The following NCAM2 variants were observed in gnomAD, a reference collection of about 807,000 sequenced individuals.
NCAM2 encodes the protein N-CAM-2.
Under a neutral mutation model 98.1 loss-of-function variants are expected in NCAM2, and 30 were observed. The observed-to-expected ratio is 0.31, with a 90% CI of 0.23 to 0.41. NCAM2 has a LOEUF of 0.41. Ranked by LOEUF, NCAM2 falls within the 10% of genes least tolerant of loss-of-function variation. The pLI, the probability that NCAM2 is intolerant of heterozygous loss-of-function variation, is 1.00. For synonymous variants in NCAM2, 368 were observed against 342.4 expected (o/e 1.07, Z -0.83); for missense variants, 867 against 1,005.8 (o/e 0.86, Z 1.87).
intron 1 of NCAM2, among the ~76,000 whole-genome samples, chr21:21,122,312 A>G (rs1601425539): frequency 1.3e-5 from 2 of 152,266 alleles, no homozygotes; most frequent in South Asian, 4.1e-4. Flanking sequence ...TTAAATATGG[A>G]AAAAGTGTTC....
At chr21:21,195,674 A>G (rs1311357866) in intron 1 of NCAM2, among the ~76,000 whole-genome samples, 2 of 152,230 alleles carry the variant, frequency 1.3e-5, no homozygotes, top group African/African-American at 2.4e-5. Flanking sequence ...AGAAAATGAT[A>G]TGACTAAAAA....
At chr21:21,069,804 C>T (rs1483077670) in intron 1 of NCAM2, among the ~76,000 whole-genome samples, 1 of 152,150 alleles carries the variant, frequency 6.6e-6, no homozygotes, top group Non-Finnish European at 1.5e-5. Flanking sequence ...CTCTCGATGT[C>T]TACCTGGAAA....
intron 1 of NCAM2, among the ~76,000 whole-genome samples, chr21:21,261,483 A>G (rs1294634300): frequency 6.6e-6 from 1 of 152,168 alleles, no homozygotes; most frequent in Non-Finnish European, 1.5e-5. Flanking sequence ...AAGGATAAAA[A>G]TTATGCCAAA....
intron 1 of NCAM2, among the ~76,000 whole-genome samples, chr21:21,016,429 GATTA>G (rs111484008): frequency 0.54 from 82,289 of 151,426 alleles, 22,727 homozygotes; most frequent in East Asian, 0.81. Flanking sequence ...AAACTTTTGA[GATTA>G]ATTATCTTTT....
At chr21:21,255,139 T>C (rs79658896) in intron 1 of NCAM2, among the ~76,000 whole-genome samples, 1 of 152,204 alleles carries the variant, frequency 6.6e-6, no homozygotes, top group Admixed American at 6.5e-5. Context: ...CATGGTTTTT[T>C]GAAGGTTGGG....
At chr21:21,264,904 A>G (rs1440740404) in intron 1 of NCAM2, among the ~76,000 whole-genome samples, 1 of 37,532 alleles carries the variant, frequency 2.7e-5, no homozygotes, top group Non-Finnish European at 4.3e-5. Flanking sequence ...GTGTGTATAT[A>G]TATACACATA....
intron 4 of NCAM2, among the ~76,000 whole-genome samples, chr21:21,289,537 G>C (rs758529084): frequency 6.6e-6 from 1 of 151,922 alleles, no homozygotes; most frequent in Non-Finnish European, 1.5e-5. Flanking sequence ...CAGGAAGAGG[G>C]AAGACCATGT....
intron 1 of NCAM2, chr21:21,210,552 G>T: frequency 7.8e-7 from 1 of 1,288,068 alleles, no homozygotes; most frequent in East Asian, 5.6e-5. Context: ...GTTATTTGAA[G>T]AGTACCACGA....
At position 21,284,415 on chromosome 21, in the gene NCAM2, T is replaced by C. The variant is rs1568883250; in HGVS notation, c.337+15T>C. 6.3e-7 allele frequency: 1 copy of C among 1,580,362 alleles called. No individual in the cohort carries two copies. Among genetic ancestry groups the C allele is most frequent in the Non-Finnish European group, 8.7e-7 (1 of 1,151,762 alleles). On this transcript the variant is annotated intron_variant, in intron 3 of 17. Transcript: ENST00000400546. ...GGAAATTTACCGTAAGTAATGTATT[T>C]ATATGTTTTAGTTTATTCAATTTCA...
At chr21:21,427,069 A>G (rs1215662679) in intron 11 of NCAM2, among the ~76,000 whole-genome samples, 3 of 152,190 alleles carry the variant, frequency 2.0e-5, no homozygotes, top group Non-Finnish European at 4.4e-5. Flanking sequence ...CATATGTGTA[A>G]AAAGAGCACA....
chr21:21,408,564 C>A (rs551186775), intron 9 of NCAM2, among the ~76,000 whole-genome samples: 78 of 152,066 alleles, frequency 5.1e-4, no homozygotes, highest in African/African-American at 1.8e-3. Flanking sequence ...ATTCACAGCA[C>A]CAAAATGTTT....
At chr21:21,447,361 A>T (rs959277487) in intron 12 of NCAM2, among the ~76,000 whole-genome samples, 1 of 152,134 alleles carries the variant, frequency 6.6e-6, no homozygotes, top group Non-Finnish European at 1.5e-5. Flanking sequence ...AAAAAACTGA[A>T]ACTGGACCCC....
At chr21:21,076,339 G>C (rs772053233) in intron 1 of NCAM2, among the ~76,000 whole-genome samples, 13 of 152,192 alleles carry the variant, frequency 8.5e-5, no homozygotes, top group South Asian at 2.1e-4. Context: ...TTCAGTTTCT[G>C]TTGTGATCTC....
chr21:21,497,674 C>T (rs1339219198), intron 15 of NCAM2, among the ~76,000 whole-genome samples: 1 of 152,008 alleles, frequency 6.6e-6, no homozygotes, highest in South Asian at 2.1e-4. Flanking sequence ...AATGGAGACT[C>T]AGTACTGAAG....
At chr21:21,436,639 G>A (rs1978366061) in intron 12 of NCAM2, among the ~76,000 whole-genome samples, 1 of 152,090 alleles carries the variant, frequency 6.6e-6, no homozygotes, top group African/African-American at 2.4e-5. Context: ...AGGGTAGAGG[G>A]AATACTGAAA....
chr21:21,247,319 AAAC>A (rs894969377), intron 1 of NCAM2, among the ~76,000 whole-genome samples: 1 of 152,142 alleles, frequency 6.6e-6, no homozygotes, highest in African/African-American at 2.4e-5. Context: ...ACTCCGTCTC[AAAC>A]AACAACAACA....
intron 7 of NCAM2, among the ~76,000 whole-genome samples, chr21:21,337,546 A>T (rs1280698919): frequency 2.0e-5 from 3 of 152,036 alleles, no homozygotes; most frequent in Non-Finnish European, 4.4e-5. Flanking sequence ...AATATATAAA[A>T]AGTAACTCAC....
At chr21:21,290,461 T>C (rs998403092) in intron 4 of NCAM2, among the ~76,000 whole-genome samples, 1 of 151,896 alleles carries the variant, frequency 6.6e-6, no homozygotes, top group Non-Finnish European at 1.5e-5. Flanking sequence ...TTCTTGTGGA[T>C]TGGTTTTCTT....
At chr21:21,354,469 T>C (rs1475183288) in intron 8 of NCAM2, among the ~76,000 whole-genome samples, 1 of 152,216 alleles carries the variant, frequency 6.6e-6, no homozygotes, top group Non-Finnish European at 1.5e-5. Flanking sequence ...GTATGATACA[T>C]ATGCCAGTTA....
Sources: allele counts gnomAD v4.1 joint callset (sites outside exome capture counted in the v4.1 genomes callset), GRCh38; gene constraint gnomAD v4.1.1; transcripts MANE v1.5; gene names NCBI Gene and HGNC (gene_info 2026-07-23, HGNC 2026-07-21).